The following TMEM132B variants were observed in gnomAD, a reference collection of about 807,000 sequenced individuals.
TMEM132B encodes the protein transmembrane protein 132B.
TMEM132B carries 18 observed loss-of-function variants against 90.8 expected under a neutral mutation model. That is an observed-to-expected ratio of 0.20 (90% CI 0.14 to 0.29). TMEM132B has a LOEUF of 0.29. TMEM132B is among the 10% of genes least tolerant of loss of function. TMEM132B has a pLI of 1.00. For synonymous variants in TMEM132B, 504 were observed against 523.3 expected (o/e 0.96, Z 0.50); for missense variants, 1,096 against 1,326.8 (o/e 0.83, Z 2.70).
chr12:125,254,232 G>A (rs1018197984), intron 1 of TMEM132B, among the ~76,000 whole-genome samples: 7 of 151,958 alleles, frequency 4.6e-5, no homozygotes, highest in African/African-American at 2.4e-5. Flanking sequence ...AGTGAGCCAC[G>A]TTTGTGCCAT....
chr12:125,520,053 A>C (rs1592971189), intron 4 of TMEM132B, among the ~76,000 whole-genome samples: 1 of 152,194 alleles, frequency 6.6e-6, no homozygotes, highest in East Asian at 1.9e-4. Flanking sequence ...TCTAAAATGC[A>C]GATGGACTGA....
intron 3 of TMEM132B, among the ~76,000 whole-genome samples, chr12:125,419,246 T>G (rs1307546306): frequency 6.6e-6 from 1 of 152,198 alleles, no homozygotes; most frequent in African/African-American, 2.4e-5. Context: ...CCAATCCAGC[T>G]GTTCACTGTG....
At chr12:125,288,165 C>T (rs991516120) in intron 1 of TMEM132B, among the ~76,000 whole-genome samples, 1 of 151,568 alleles carries the variant, frequency 6.6e-6, no homozygotes, top group Non-Finnish European at 1.5e-5. Context: ...TGAGCCACTG[C>T]ACCCGGCCTC....
At position 125,650,854 on chromosome 12, in the gene TMEM132B, C is replaced by T. The variant is rs915354211; in HGVS notation, c.1815C>T (p.Asp605=). 2.4e-5 allele frequency: 38 copies of T among 1,614,052 alleles called. No homozygotes were observed. The highest frequency in any genetic ancestry group is 3.1e-5 in the Non-Finnish European group (37 of 1,180,056). The change falls in exon 7 of 9, where the codon GAC becomes GAT. Residue 605 remains aspartate, a synonymous_variant. Coordinates refer to ENST00000682704, the MANE Select transcript of TMEM132B (RefSeq NM_001366854.1). ...CCGACTGGCAGTTTGACATCACTGA[C>T]CTTGTGACCGAGTTCATGAAGGTGG... The part of the protein sequence containing the change: ...LGPDWQFDIT[D]LVTEFMKVEE...
chr12:125,573,281 T>C (rs1367022529), intron 4 of TMEM132B, among the ~76,000 whole-genome samples: 1 of 152,212 alleles, frequency 6.6e-6, no homozygotes, highest in Non-Finnish European at 1.5e-5. Flanking sequence ...TGTATGTCCC[T>C]GCTCCTGTGA....
At chr12:125,404,439 G>C (rs1302990732) in intron 2 of TMEM132B, among the ~76,000 whole-genome samples, 1 of 152,194 alleles carries the variant, frequency 6.6e-6, no homozygotes, top group Non-Finnish European at 1.5e-5. Context: ...TGGAGACTTA[G>C]GGTAGTTCCA....
chr12:125,215,927 T>A (rs1238376325), intron 1 of TMEM132B, among the ~76,000 whole-genome samples: 1 of 152,214 alleles, frequency 6.6e-6, no homozygotes, highest in African/African-American at 2.4e-5. Flanking sequence ...TTGATCACAG[T>A]CTCTATTGCC....
intron 3 of TMEM132B, among the ~76,000 whole-genome samples, chr12:125,457,064 C>A (rs1473798159): frequency 6.6e-6 from 1 of 152,148 alleles, no homozygotes; most frequent in Non-Finnish European, 1.5e-5. Flanking sequence ...CTGCTGCCTG[C>A]AACCTGCCCA....
Position 125,635,165 on chromosome 12 carries a change from T to C in TMEM132B, c.1438-8911T>C, listed in dbSNP as rs372338969. On this transcript the variant is annotated intron_variant, in intron 5 of 8. Transcript: ENST00000682704. ...ATTTATTTAATTTATTTATTTATAC[T>C]TTAAACTCTGGGGTACATGTGCAGA... 8.5e-5 allele frequency among the ~76,000 whole-genome samples: 13 copies of C among 152,350 alleles called. No individual in the cohort carries two copies. The East Asian group carries it at 2.3e-3, about 27-fold the overall frequency.
At chr12:125,393,863 G>A (rs1017775244) in intron 2 of TMEM132B, among the ~76,000 whole-genome samples, 3 of 152,206 alleles carry the variant, frequency 2.0e-5, no homozygotes, top group South Asian at 2.1e-4. Flanking sequence ...CTGGGGATAG[G>A]AATATCTCAA....
At chr12:125,307,311 C>T (rs1170393738) in intron 1 of TMEM132B, among the ~76,000 whole-genome samples, 4 of 152,158 alleles carry the variant, frequency 2.6e-5, no homozygotes, top group Non-Finnish European at 5.9e-5. Flanking sequence ...GGTGTAGACA[C>T]TCAGGAAGGT....
Position 125,459,004 on chromosome 12 carries a change from C to A in TMEM132B, c.1106+43327C>A, listed in dbSNP as rs976249898. On this transcript the variant is annotated intron_variant, in intron 3 of 8. Coordinates refer to ENST00000682704, the MANE Select transcript of TMEM132B (RefSeq NM_001366854.1). The surrounding 1 kb of genome is among the most constrained non-coding windows in gnomAD (Gnocchi z 4.1). ...CATGGAGCTCAGATTCCCTGTGGTC[C>A]CCCCATGTGCAATTAGCATCTTCGG... 2.6e-5 allele frequency among the ~76,000 whole-genome samples: 4 copies of A among 152,094 alleles called. No homozygotes were observed. The highest frequency in any genetic ancestry group is 5.9e-5 in the Non-Finnish European group (4 of 67,998).
chr12:125,307,754 ACTTATAT>A (rs1876014582), intron 1 of TMEM132B, among the ~76,000 whole-genome samples: 3 of 141,534 alleles, frequency 2.1e-5, no homozygotes, highest in Admixed American at 7.4e-5. Flanking sequence ...AAGTATATAT[ACTTATAT>A]TGCAAGTATA....
Position 125,273,871 on chromosome 12 carries a change from T to A in TMEM132B, c.68-75581T>A, listed in dbSNP as rs1874915393. ...TAGAGATGGGGTTTCACCATGTTGG[T>A]CAGTCTGGTCTTGAACTTCTGACCT... is the stretch of plus-strand genomic sequence containing the variant. On this transcript the variant is annotated intron_variant, in intron 1 of 8. Transcript: ENST00000682704. Among the ~76,000 whole-genome samples the A allele has an allele frequency of 2.0e-5, 3 of 152,076 alleles. No homozygotes were observed. In the South Asian group the frequency reaches 6.2e-4, roughly 32 times the overall value.
At chr12:125,541,244 CAT>C (rs1191323720) in intron 4 of TMEM132B, among the ~76,000 whole-genome samples, 9 of 152,212 alleles carry the variant, frequency 5.9e-5, no homozygotes, top group African/African-American at 2.2e-4. Context: ...GCAGCTGACA[CAT>C]ATAGAGAGTC....
Position 125,654,693 on chromosome 12 carries a change from C to G in TMEM132B, c.3235C>G (p.Leu1079Val), listed in dbSNP as rs1887017593. The change falls in exon 9 of 9, where the codon CTG becomes GTG. Residue 1079 changes from leucine to valine, a missense_variant. Physicochemically the swap from Leu to Val is conservative, Grantham distance 32. Coordinates refer to ENST00000682704, the MANE Select transcript of TMEM132B (RefSeq NM_001366854.1). This position sits in a 1 kb window ranked among gnomAD's most constrained non-coding sequence, Gnocchi z 5.8. ...SQDFRDYMES[L>V]QDQM is the part of the protein sequence containing the mutation. Reference sequence around the variant, plus strand: ...GGACTTTAGAGACTATATGGAAAGTCTGCAAGACCAGATGTAAACTCCTTT... The same window carrying G: ...GGACTTTAGAGACTATATGGAAAGTGTGCAAGACCAGATGTAAACTCCTTT... 6.2e-7 allele frequency: 1 copy of G among 1,612,412 alleles called. No individual in the cohort carries two copies. The highest frequency in any genetic ancestry group is 1.3e-5 in the African/African-American group (1 of 74,836).
At chr12:125,557,226 T>C (rs1187944597) in intron 4 of TMEM132B, among the ~76,000 whole-genome samples, 1 of 152,162 alleles carries the variant, frequency 6.6e-6, no homozygotes, top group Non-Finnish European at 1.5e-5. Flanking sequence ...TAGAAGACTT[T>C]CTAAGTAGCC....
Position 125,654,068 on chromosome 12 carries a change from T to C in TMEM132B, c.2610T>C (p.Gly870=). 6.2e-7 allele frequency: 1 copy of C among 1,614,090 alleles called. No homozygotes were observed. The highest frequency in any genetic ancestry group is 2.2e-5 in the East Asian group (1 of 44,868). ...EGKNKLLKSG[G]PDAFTSFPTQ... Reference sequence around the variant, plus strand: ...AGAATAAGTTACTCAAAAGTGGTGGTCCAGATGCCTTTACAAGCTTCCCCA... The same window carrying C: ...AGAATAAGTTACTCAAAAGTGGTGGCCCAGATGCCTTTACAAGCTTCCCCA... Residue 870 remains glycine, a synonymous_variant, in exon 9 of 9, where the codon GGT becomes GGC. Coordinates refer to ENST00000682704, the MANE Select transcript of TMEM132B (RefSeq NM_001366854.1). The surrounding 1 kb of genome is among the most constrained non-coding windows in gnomAD (Gnocchi z 5.8).
At chr12:125,635,787 A>G (rs539884317) in intron 5 of TMEM132B, among the ~76,000 whole-genome samples, 1 of 152,180 alleles carries the variant, frequency 6.6e-6, no homozygotes, top group South Asian at 2.1e-4. Flanking sequence ...ATTTCTCCAC[A>G]TCCTCTCCAG....
Sources: allele counts gnomAD v4.1 joint callset (sites outside exome capture counted in the v4.1 genomes callset), GRCh38; gene constraint gnomAD v4.1.1; non-coding constraint Gnocchi (gnomAD v3.1); transcripts MANE v1.5; gene names NCBI Gene and HGNC (gene_info 2026-07-23, HGNC 2026-07-21).